FUS: variants seen among roughly 807,000 people sequenced by gnomAD.
The protein encoded by FUS is FUS RNA binding protein.
Under a neutral mutation model 82.7 loss-of-function variants are expected in FUS, and 5 were observed. The observed-to-expected ratio is 0.06, with a 90% confidence interval of 0.03 to 0.13. The LOEUF (loss-of-function observed/expected upper bound fraction) is 0.13, where lower values mean the gene tolerates loss of function less well. Among genes scored for constraint, FUS ranks in the 10% least tolerant of loss-of-function variants. The probability of loss-of-function intolerance (pLI) is 1.00; values close to 1 mark genes in which losing one functional copy is unlikely to be tolerated. For missense variants in FUS, 512 were observed against 707.8 expected (o/e 0.72, Z 3.14); for synonymous variants, 281 against 247.4 (o/e 1.14, Z -1.27).
intron 1 of FUS, 66 bp downstream of exon 1, chr16:31,180,293 T>C: frequency 3.2e-6 from 5 of 1,563,608 alleles, no homozygotes; most frequent in Non-Finnish European, 4.3e-6. Context: ...GGGCTTTTCG[T>C]TTTCAGTGGG....
downstream of FUS, chr16:31,194,684 A>G: frequency 2.1e-6 from 1 of 487,236 alleles, no homozygotes; most frequent in Non-Finnish European, 4.1e-6. Flanking sequence ...ACATTGTGGA[A>G]TCAAATCAGG....
In FUS at chr16:31,180,167, C is replaced by A. The variant is rs199671743; in HGVS notation, c.-48C>A. 1.2e-5 allele frequency: 19 copies of A among 1,603,530 alleles called. No individual in the cohort carries two copies. The African/African-American group carries it at 1.9e-4, about 16-fold the overall frequency. ...CAGTCCTCCAGGCGTCGGTACTCAGCGGTGTTGGAACTTCGTTGCTTGCTT... is the reference window on the plus strand; with the variant it reads ...CAGTCCTCCAGGCGTCGGTACTCAGAGGTGTTGGAACTTCGTTGCTTGCTT... On this transcript the variant is annotated 5_prime_UTR_variant, in exon 1 of 15. Transcript: ENST00000254108.
intron 9 of FUS, 28 bp downstream of exon 9, chr16:31,189,254 C>T: frequency 6.8e-7 from 1 of 1,474,566 alleles, no homozygotes; most frequent in Non-Finnish European, 9.5e-7. Flanking sequence ...TGGGAGCTTT[C>T]TGTCAGTGTT....
At chr16:31,192,527 G>A (rs184277413), downstream of FUS, 196 of 512,604 alleles carry the variant, frequency 3.8e-4, 1 homozygote, top group East Asian at 4.4e-3. Context: ...AATGTGCTGG[G>A]GACCCCTAAT....
intron 10 of FUS, 116 bp downstream of exon 10, chr16:31,189,910 T>G (rs2144133604): frequency 6.3e-7 from 1 of 1,586,932 alleles, no homozygotes; most frequent in East Asian, 2.2e-5. Context: ...TTAGCTGCGG[T>G]TTCAGGTAGT....
At chr16:31,192,814 C>T (rs903659271), downstream of FUS, 1 of 481,218 alleles carries the variant, frequency 2.1e-6, no homozygotes, top group South Asian at 1.5e-5. Context: ...TCAGGTGATC[C>T]ACCTGCCTTG....
rs781572269 is a variant in FUS, at chr16:31,184,974, GGTGGTGGCA to G, written c.568_576del (p.Ser190_Gly192del). On this transcript the variant is annotated inframe_deletion, in exon 6 of 15. Transcript: ENST00000254108. Reference sequence around the variant, plus strand: ...CCAAGATCAATCCTCCATGAGTAGTGGTGGTGGCAGTGGTGGCGGTTATGGCAATCAAGA... The same window carrying G: ...CCAAGATCAATCCTCCATGAGTAGTGGTGGTGGCGGTTATGGCAATCAAGA... 9.9e-6 allele frequency: 16 copies of G among 1,613,726 alleles called. No individual in the cohort carries two copies. Among genetic ancestry groups the G allele is most frequent in the Admixed American group, 3.3e-5 (2 of 59,976 alleles).
intron 9 of FUS, 57 bp downstream of exon 9, chr16:31,189,283 C>CAA (rs1309389024): frequency 1.1e-5 from 14 of 1,252,470 alleles, no homozygotes; most frequent in Non-Finnish European, 1.5e-5. Context: ...GTGGATTTCA[C>CAA]ACATTAGTAA....
intron 6 of FUS, chr16:31,186,123 TTAAAA>T: frequency 4.2e-6 from 1 of 238,128 alleles, no homozygotes; most frequent in Middle Eastern, 1.3e-3. Context: ...ATGCAAAACT[TTAAAA>T]AGAAAAACAA....
downstream of FUS, chr16:31,191,946 T>G (rs972418647): frequency 9.4e-6 from 5 of 533,732 alleles, no homozygotes; most frequent in Non-Finnish European, 1.8e-5. Flanking sequence ...TTGGCCCTTT[T>G]AATGGTGAGG....
chr16:31,192,047 G>GT, downstream of FUS: 1 of 533,040 alleles, frequency 1.9e-6, no homozygotes, highest in Non-Finnish European at 3.6e-6. Context: ...AGGAAGGAGA[G>GT]TAACTGAGTG....
downstream of FUS, chr16:31,194,535 G>A (rs1259859209): frequency 2.0e-6 from 1 of 499,180 alleles, no homozygotes; most frequent in Admixed American, 2.3e-5. Context: ...AACTGCTCTG[G>A]GCTCAAGTGA....
chr16:31,192,222 T>G (rs1225506103), downstream of FUS: 4 of 525,644 alleles, frequency 7.6e-6, no homozygotes, highest in Admixed American at 4.5e-5. Context: ...TCATTGACAT[T>G]ATGAGATTTT....
In FUS at chr16:31,182,785, C is replaced by T. The variant is rs763861483; in HGVS notation, c.190+121C>T. On this transcript the variant is annotated intron_variant, in intron 3 of 14. Coordinates refer to ENST00000254108, the MANE Select transcript of FUS (RefSeq NM_004960.4). Reference sequence around the variant, plus strand: ...AGGCTGGAGTGCAGTGGTGCTGTCTCAGCTCACTGCAACATCAGCCTACCG... The same window carrying T: ...AGGCTGGAGTGCAGTGGTGCTGTCTTAGCTCACTGCAACATCAGCCTACCG... 5.0e-6 allele frequency: 6 copies of T among 1,189,718 alleles called. No homozygotes were observed. In the Admixed American group the frequency reaches 6.9e-5, roughly 14 times the overall value. 73.7% of individuals were successfully genotyped at this position (1,189,718 alleles called of 1,614,324 possible). A position where few individuals can be genotyped will look rare whatever the true frequency, so the allele number is the denominator to read the frequency against.
chr16:31,189,584 A>G, intron 9 of FUS, 81 bp from the exon 10 acceptor site: 1 of 1,593,548 alleles, frequency 6.3e-7, no homozygotes, highest in East Asian at 2.2e-5. Flanking sequence ...GGAATTATAA[A>G]CCTCATGTTC....
intron 9 of FUS, among the ~76,000 whole-genome samples, 189 bp downstream of exon 9, chr16:31,189,415 A>G (rs1417785342): frequency 2.0e-5 from 3 of 152,244 alleles, no homozygotes; most frequent in Non-Finnish European, 4.4e-5. Flanking sequence ...CTTAACACAA[A>G]AAGTATAACT....
At chr16:31,181,398 C>T (rs1180293397) in intron 1 of FUS, among the ~76,000 whole-genome samples, 1 of 152,046 alleles carries the variant, frequency 6.6e-6, no homozygotes, top group Non-Finnish European at 1.5e-5. Context: ...GCTTTTTGTT[C>T]GCTGGGGGAA....
At chr16:31,193,774 A>G (rs1439653239), downstream of FUS, 1 of 529,980 alleles carries the variant, frequency 1.9e-6, no homozygotes, top group East Asian at 4.0e-5. Flanking sequence ...CTGGGACTAC[A>G]GGTGCTTCCT....
downstream of FUS, chr16:31,192,586 A>C (rs140326191): frequency 2.0e-6 from 1 of 492,878 alleles, no homozygotes; most frequent in South Asian, 1.5e-5. Context: ...TTAGAGACAG[A>C]GTCTTGCTCT....
Sources: gnomAD v4.1 joint callset for allele counts (sites outside exome capture counted in the v4.1 genomes callset) on GRCh38, gnomAD v4.1.1 for gene constraint, MANE v1.5 for transcripts, NCBI Gene and HGNC (gene_info 2026-07-23, HGNC 2026-07-21) for gene names.